FAM169A: variants seen among roughly 807,000 people sequenced by gnomAD.
The protein encoded by FAM169A is soluble lamin-associated protein of 75 kDa.
In FAM169A, 24 loss-of-function variants were observed where a neutral mutation model predicts 75.7. That is an observed-to-expected ratio of 0.32 (90% CI 0.23 to 0.45). FAM169A has a LOEUF of 0.45. FAM169A is among the 20% of genes least tolerant of loss of function. The probability of loss-of-function intolerance (pLI) is 1.00; values close to 1 mark genes in which losing one functional copy is unlikely to be tolerated. For synonymous variants in FAM169A, 271 were observed against 271.0 expected, an observed-to-expected ratio of 1.00 and a Z score of 0.00; for missense variants, 673 against 784.0, an observed-to-expected ratio of 0.86 and a Z score of 1.69.
intron 10 of FAM169A, chr5:74,798,935 C>T (rs1358412710): frequency 1.2e-6 from 1 of 803,602 alleles, no homozygotes; most frequent in Non-Finnish European, 2.1e-6. Flanking sequence ...ATCCTCTGCT[C>T]CAAGACCGTC....
chr5:74,814,420 T>TC (rs945631486), intron 5 of FAM169A, among the ~76,000 whole-genome samples: 5 of 152,096 alleles, frequency 3.3e-5, no homozygotes, highest in African/African-American at 1.2e-4. Flanking sequence ...TACCTGAATA[T>TC]CCTTTTTTTT....
rs1745368457 is a variant in FAM169A, at chr5:74,780,667, G to C, written c.*793C>G. 6.6e-6 allele frequency: 1 copy of C among 152,184 alleles called. No individual in the cohort carries two copies. The highest frequency in any genetic ancestry group is 2.1e-4 in the South Asian group (1 of 4,838). 9.4% of individuals were successfully genotyped at this position (152,184 alleles called of 1,614,324 possible). ...TTGTGATTTTTACCTGATTAAAGGT[G>C]AAAGTCTAAACTTCTAGGCGTCTGC... On this transcript the variant is annotated 3_prime_UTR_variant, in exon 13 of 13. Coordinates refer to ENST00000687041, the MANE Select transcript of FAM169A (RefSeq NM_001376049.1).
chr5:74,865,262 C>T (rs1750256717), intron 1 of FAM169A: 1 of 152,188 alleles, frequency 6.6e-6, no homozygotes, highest in Admixed American at 6.5e-5. Flanking sequence ...ACAATGAAAA[C>T]TTTCCCTTCT....
chr5:74,801,004 G>A lies in FAM169A; in HGVS notation c.979C>T (p.His327Tyr). The A allele has an allele frequency of 6.4e-7, 1 of 1,563,496 alleles. No individual in the cohort carries two copies. Among genetic ancestry groups the A allele is most frequent in the South Asian group, 1.2e-5 (1 of 83,522 alleles). Reference protein sequence around the residue: ...EGHDKTSVSTHTRSGNLKRPK... With the variant: ...EGHDKTSVSTYTRSGNLKRPK... ...CGCTTTAGATTACCACTTCGAGTAT[G>A]AGTGGAAACAGATGTTTTATCATGA... Residue 327 changes from histidine (H) to tyrosine (Y), a missense_variant, in exon 10 of 13, where the codon CAT becomes TAT. His to Tyr is a moderately conservative substitution (Grantham distance 83, BLOSUM62 2). Coordinates refer to ENST00000687041, the MANE Select transcript of FAM169A (RefSeq NM_001376049.1).
chr5:74,799,166 T>C (rs889790619), intron 10 of FAM169A: 19 of 1,089,738 alleles, frequency 1.7e-5, no homozygotes, highest in Middle Eastern at 2.0e-4. Flanking sequence ...ATCACAGATA[T>C]TGACTGGGCT....
chr5:74,825,942 T>C (rs1042374522), intron 5 of FAM169A, among the ~76,000 whole-genome samples: 1 of 152,324 alleles, frequency 6.6e-6, no homozygotes, highest in African/African-American at 2.4e-5. Context: ...AAATGTGTGT[T>C]CTACAGTTCT....
rs779335668 is a variant in FAM169A at position 74,796,153 on chromosome 5, T to C, written c.1137A>G (p.Ser379=). The C allele has an allele frequency of 3.1e-6, 5 of 1,614,096 alleles. No individual in the cohort carries two copies. The highest frequency in any genetic ancestry group is 4.5e-5 in the East Asian group (2 of 44,880). The change falls in exon 11 of 13, where the codon TCA becomes TCG. Residue 379 remains serine, a synonymous_variant. Transcript: ENST00000687041. ...LESTARPSES[S]EEFLEEEPEQ... Reference sequence around the variant, plus strand: ...CAGGTTCTTCTTCCAGGAATTCTTCTGAGCTCTCTGATGGGCGTGCAGTAG... The same window carrying C: ...CAGGTTCTTCTTCCAGGAATTCTTCCGAGCTCTCTGATGGGCGTGCAGTAG...
intron 6 of FAM169A, among the ~76,000 whole-genome samples, chr5:74,808,583 A>AAC (rs1747009363): frequency 6.6e-6 from 1 of 152,212 alleles, no homozygotes; most frequent in South Asian, 2.1e-4. Context: ...AACACTGTGC[A>AAC]TAAGAGCCAC....
intron 1 of FAM169A, among the ~76,000 whole-genome samples, chr5:74,844,646 C>T (rs772852465): frequency 2.6e-5 from 4 of 151,800 alleles, no homozygotes; most frequent in Non-Finnish European, 5.9e-5. Context: ...AGTGAAACCC[C>T]GTCTCTACTA....
At chr5:74,855,576 T>C (rs1204647165) in intron 1 of FAM169A, among the ~76,000 whole-genome samples, 2 of 152,206 alleles carry the variant, frequency 1.3e-5, no homozygotes, top group African/African-American at 4.8e-5. Context: ...GCCGTTTGTA[T>C]GTCTTTTTTT....
intron 6 of FAM169A, among the ~76,000 whole-genome samples, chr5:74,811,651 T>A (rs557386866): frequency 1.3e-5 from 2 of 152,222 alleles, no homozygotes; most frequent in East Asian, 3.9e-4. Context: ...TTTATAAGAG[T>A]TTCTAGGTTA....
At chr5:74,852,682 AGAGTT>A (rs1174580718) in intron 1 of FAM169A, among the ~76,000 whole-genome samples, 1 of 152,006 alleles carries the variant, frequency 6.6e-6, no homozygotes, top group Non-Finnish European at 1.5e-5. Context: ...ATTTACCAAG[AGAGTT>A]AAGGTATATA....
chr5:74,806,716 G>A (rs940362406), intron 6 of FAM169A, among the ~76,000 whole-genome samples: 1 of 152,218 alleles, frequency 6.6e-6, no homozygotes, highest in South Asian at 2.1e-4. Flanking sequence ...CATTCTACAT[G>A]AAAATGATAC....
chr5:74,805,333 T>A (rs1461996818), intron 6 of FAM169A, 49 bp from the exon 7 acceptor site: 3 of 1,587,826 alleles, frequency 1.9e-6, no homozygotes, highest in South Asian at 2.3e-5. Flanking sequence ...ATCCACTGTT[T>A]TGAAAAACAG....
At chr5:74,791,567 G>T (rs1299869835) in intron 11 of FAM169A, among the ~76,000 whole-genome samples, 2 of 152,212 alleles carry the variant, frequency 1.3e-5, no homozygotes, top group Admixed American at 1.3e-4. Flanking sequence ...TGGCTGGGGT[G>T]ACTGACCCAG....
At chr5:74,814,103 TA>T (rs1040214351) in intron 5 of FAM169A, 84 bp from the exon 6 acceptor site, 13 of 1,166,004 alleles carry the variant, frequency 1.1e-5, no homozygotes, top group African/African-American at 9.5e-5. Flanking sequence ...ACAGTCTTTC[TA>T]AAAAAAGTTT....
chr5:74,816,159 C>T (rs115318346), intron 5 of FAM169A, among the ~76,000 whole-genome samples: 334 of 152,272 alleles, frequency 2.2e-3, no homozygotes, highest in African/African-American at 7.8e-3. Flanking sequence ...GAAGGGTTTT[C>T]AGAGTAACAA....
At chr5:74,809,868 C>T (rs2112561582) in intron 6 of FAM169A, among the ~76,000 whole-genome samples, 1 of 152,324 alleles carries the variant, frequency 6.6e-6, no homozygotes, top group East Asian at 1.9e-4. Flanking sequence ...GCAACCAGAA[C>T]TTCCACATAT....
intron 6 of FAM169A, among the ~76,000 whole-genome samples, chr5:74,810,925 C>G (rs181496678): frequency 6.7e-6 from 1 of 148,326 alleles, no homozygotes; most frequent in Non-Finnish European, 1.5e-5. Context: ...ATCCTCCTGC[C>G]TCAGTCTCTC....
Sources: gnomAD v4.1 joint callset for allele counts (sites outside exome capture counted in the v4.1 genomes callset) on GRCh38, gnomAD v4.1.1 for gene constraint, MANE v1.5 for transcripts, NCBI Gene and HGNC (gene_info 2026-07-23, HGNC 2026-07-21) for gene names.